The following FAR1 variants were observed in gnomAD, a reference collection of about 807,000 sequenced individuals.
FAR1 encodes fatty acyl-CoA reductase 1.
Under a neutral mutation model 61.1 loss-of-function variants are expected in FAR1, and 22 were observed. The observed-to-expected ratio is 0.36, with a 90% confidence interval of 0.26 to 0.51. The LOEUF is 0.51. FAR1 is among the 20% of genes least tolerant of loss of function. The pLI, the probability that FAR1 is intolerant of heterozygous loss-of-function variation, is 0.95. For missense variants in FAR1, 359 were observed against 626.9 expected, an observed-to-expected ratio of 0.57 and a Z score of 4.56; for synonymous variants, 206 against 209.7, an observed-to-expected ratio of 0.98 and a Z score of 0.15.
At chr11:13,683,761 G>A (rs17534489) in intron 1 of FAR1, among the ~76,000 whole-genome samples, 7,362 of 152,280 alleles carry the variant, frequency 0.048, 212 homozygotes, top group South Asian at 0.096. Flanking sequence ...ACACGTAAAT[G>A]GGCTGGACTT....
chr11:13,683,297 G>A (rs905366838), intron 1 of FAR1, among the ~76,000 whole-genome samples: 3 of 151,842 alleles, frequency 2.0e-5, no homozygotes, highest in African/African-American at 4.8e-5. Flanking sequence ...GGTGGTTGAG[G>A]TAGGAGAATT....
At chr11:13,712,882 G>C in intron 7 of FAR1, 84 bp from the exon 8 acceptor site, 1 of 999,160 alleles carries the variant, frequency 1.0e-6, no homozygotes. Context: ...TCATCCTCAT[G>C]TCTTCTTGAA....
intron 3 of FAR1, among the ~76,000 whole-genome samples, chr11:13,707,164 C>T (rs770824971): frequency 6.6e-6 from 1 of 152,000 alleles, no homozygotes; most frequent in Non-Finnish European, 1.5e-5. Context: ...TATTTGGGCT[C>T]TCTAGGTTTT....
intron 3 of FAR1, among the ~76,000 whole-genome samples, chr11:13,700,910 T>G (rs1848364078): frequency 6.6e-6 from 1 of 151,990 alleles, no homozygotes; most frequent in Non-Finnish European, 1.5e-5. Context: ...AAATTGGTTA[T>G]AAATTTAAAT....
chr11:13,723,186 G>A (rs13377342), intron 10 of FAR1, among the ~76,000 whole-genome samples: 4,894 of 151,536 alleles, frequency 0.032, 115 homozygotes, highest in Non-Finnish European at 0.047. Flanking sequence ...GCAATGTAGC[G>A]AGACCCATCT....
chr11:13,698,156 T>A (rs1385191606), intron 2 of FAR1, among the ~76,000 whole-genome samples: 1 of 152,174 alleles, frequency 6.6e-6, no homozygotes, highest in Non-Finnish European at 1.5e-5. Context: ...ACTTTACACT[T>A]GACATTCAGA....
At chr11:13,708,757 C>A (rs918572284) in intron 4 of FAR1, among the ~76,000 whole-genome samples, 5 of 151,972 alleles carry the variant, frequency 3.3e-5, no homozygotes, top group Non-Finnish European at 7.4e-5. Context: ...CCCTCACCAC[C>A]CCCCAGCCAT....
intron 1 of FAR1, among the ~76,000 whole-genome samples, chr11:13,687,361 C>T (rs931819081): frequency 2.0e-5 from 3 of 152,212 alleles, no homozygotes; most frequent in African/African-American, 7.2e-5. Flanking sequence ...ACAGTCCTGT[C>T]GTCCCCTTCC....
chr11:13,716,096 A>G (rs1386577093), intron 9 of FAR1, among the ~76,000 whole-genome samples: 1 of 152,210 alleles, frequency 6.6e-6, no homozygotes, highest in Non-Finnish European at 1.5e-5. Context: ...TGCCATTGGA[A>G]GCATTCTTCA....
At chr11:13,699,880 A>G (rs939301432) in intron 2 of FAR1, among the ~76,000 whole-genome samples, 2 of 152,120 alleles carry the variant, frequency 1.3e-5, no homozygotes, top group Non-Finnish European at 2.9e-5. Context: ...GTTTTTTTCT[A>G]ATCTACTAAA....
intron 1 of FAR1, among the ~76,000 whole-genome samples, chr11:13,693,704 C>T (rs1848278762): frequency 6.6e-6 from 1 of 152,064 alleles, no homozygotes. Flanking sequence ...CTTTCCTGTC[C>T]TTGTTTTGCT....
At chr11:13,699,444 A>G (rs946042872) in intron 2 of FAR1, among the ~76,000 whole-genome samples, 1 of 152,206 alleles carries the variant, frequency 6.6e-6, no homozygotes, top group Non-Finnish European at 1.5e-5. Context: ...GACTGTTTAT[A>G]CTAAAGTCAT....
At chr11:13,714,706 C>T (rs1433984137) in intron 9 of FAR1, 26 bp downstream of exon 9, 1 of 1,574,640 alleles carries the variant, frequency 6.4e-7, no homozygotes, top group East Asian at 2.3e-5. Context: ...TCTGTCTTAT[C>T]TGTTCCTCTG....
chr11:13,680,986 A>G (rs1848120847), intron 1 of FAR1, among the ~76,000 whole-genome samples: 3 of 152,362 alleles, frequency 2.0e-5, no homozygotes, highest in Middle Eastern at 3.4e-3. Context: ...AGGCTTCTTC[A>G]TAATCTAACT....
rs1413823231 is a variant in FAR1, at chr11:13,727,540, T to A, written c.1258-16T>A. The A allele has an allele frequency of 6.4e-7, 1 of 1,569,706 alleles. No homozygotes were observed. The highest frequency in any genetic ancestry group is 1.4e-5 in the African/African-American group (1 of 72,168). On this transcript the variant is annotated splice_polypyrimidine_tract_variant and intron_variant, in intron 10 of 11. Coordinates refer to ENST00000354817, the MANE Select transcript of FAR1 (RefSeq NM_032228.6). Reference sequence around the variant, plus strand: ...ATTAGTCAAGAAAATAATCAGTAATTTTTTTGTTAACGTAGACCTTCAATA... The same window carrying A: ...ATTAGTCAAGAAAATAATCAGTAATATTTTTGTTAACGTAGACCTTCAATA...
intron 3 of FAR1, among the ~76,000 whole-genome samples, chr11:13,701,374 C>T (rs1368164309): frequency 3.3e-5 from 5 of 151,830 alleles, no homozygotes; most frequent in African/African-American, 7.3e-5. Context: ...ATCAAAACAC[C>T]GCTATGTATC....
At chr11:13,689,817 G>C (rs183446316) in intron 1 of FAR1, among the ~76,000 whole-genome samples, 61 of 150,696 alleles carry the variant, frequency 4.0e-4, no homozygotes, top group African/African-American at 1.4e-3. Context: ...TCACATAGGG[G>C]TTTTAACTTG....
At chr11:13,701,746 A>G (rs555603859) in intron 3 of FAR1, among the ~76,000 whole-genome samples, 2 of 152,086 alleles carry the variant, frequency 1.3e-5, no homozygotes, top group African/African-American at 4.8e-5. Context: ...GTAGTCCTTT[A>G]TGGGTTTTCA....
At chr11:13,695,088 G>A (rs1225348207) in intron 2 of FAR1, 134 bp downstream of exon 2, 7 of 691,590 alleles carry the variant, frequency 1.0e-5, no homozygotes, top group Non-Finnish European at 1.5e-5. Flanking sequence ...AACTTAGTAA[G>A]TTCCTACAGG....
Sources: gnomAD v4.1 joint callset for allele counts (sites outside exome capture counted in the v4.1 genomes callset) on GRCh38, gnomAD v4.1.1 for gene constraint, MANE v1.5 for transcripts, NCBI Gene and HGNC (gene_info 2026-07-23, HGNC 2026-07-21) for gene names.